The following TSGA10 variants were observed in gnomAD, a reference collection of about 807,000 sequenced individuals.
TSGA10 encodes the protein testis specific 10, also known as testis-specific gene 10 protein.
TSGA10 carries 43 observed loss-of-function variants against 96.6 expected under a neutral mutation model. The ratio of observed to expected loss-of-function variants is 0.44; its 90% CI spans 0.35 to 0.57. The LOEUF is 0.57. Among genes scored for constraint, TSGA10 ranks in the 20% least tolerant of loss-of-function variants. The probability of loss-of-function intolerance (pLI) is 0.01; values close to 1 mark genes in which losing one functional copy is unlikely to be tolerated. For synonymous variants in TSGA10, 229 were observed against 269.9 expected (o/e 0.85, Z 1.48); for missense variants, 703 against 834.4 (o/e 0.84, Z 1.94).
intron 20 of TSGA10, among the ~76,000 whole-genome samples, chr2:99,002,514 C>T (rs1169631678): frequency 6.6e-6 from 1 of 152,178 alleles, no homozygotes; most frequent in Admixed American, 6.5e-5. Flanking sequence ...ACAACTGGTA[C>T]CAGCCACTGC....
intron 16 of TSGA10, among the ~76,000 whole-genome samples, chr2:99,047,184 A>C (rs949146319): frequency 1.3e-5 from 2 of 152,212 alleles, no homozygotes; most frequent in Non-Finnish European, 2.9e-5. Flanking sequence ...AAGTATTCCA[A>C]TCAACAGAAA....
chr2:99,122,170 A>G lies in TSGA10; in HGVS notation c.-491-3484T>C, dbSNP rs1377980296. On this transcript the variant is annotated intron_variant, in intron 2 of 20. Coordinates refer to ENST00000393483, the MANE Select transcript of TSGA10 (RefSeq NM_025244.4). ...TCACAGTCTTGATTACTGTAGTTAT[A>G]AGTGTTGAAATCATGAAGAGTTTTG... Among the ~76,000 whole-genome samples the G allele has an allele frequency of 2.6e-5, 4 of 152,208 alleles. No individual in the cohort carries two copies. The East Asian group carries it at 7.7e-4, about 29-fold the overall frequency.
intron 10 of TSGA10, among the ~76,000 whole-genome samples, chr2:99,087,509 CA>C (rs1221097418): frequency 6.6e-6 from 1 of 151,958 alleles, no homozygotes; most frequent in African/African-American, 2.4e-5. Context: ...GCCGTCTGAA[CA>C]AAAAATAAAA....
At chr2:99,078,843 T>A in intron 11 of TSGA10, 30 bp from the exon 12 acceptor site, 1 of 1,559,380 alleles carries the variant, frequency 6.4e-7, no homozygotes, top group South Asian at 1.2e-5. Context: ...AGTGTTGTTT[T>A]AATCAAAATA....
At chr2:99,094,533 G>A (rs571422340) in intron 10 of TSGA10, among the ~76,000 whole-genome samples, 20 of 151,844 alleles carry the variant, frequency 1.3e-4, no homozygotes, top group Admixed American at 3.9e-4. Flanking sequence ...GAATCTACAC[G>A]GAACTCAAAC....
At chr2:99,137,281 C>T (rs759058771) in intron 1 of TSGA10, among the ~76,000 whole-genome samples, 5 of 152,218 alleles carry the variant, frequency 3.3e-5, no homozygotes, top group Non-Finnish European at 5.9e-5. Context: ...AGGCGTGAGC[C>T]ACTGCACCCG....
At chr2:99,101,909 T>G in intron 10 of TSGA10, 1 of 611,688 alleles carries the variant, frequency 1.6e-6, no homozygotes, top group Non-Finnish European at 2.9e-6. Flanking sequence ...GGAGTGCTGT[T>G]CAAAGGATAC....
In TSGA10 at chr2:99,035,323, A is replaced by G; in HGVS notation, c.1521T>C (p.Asp507=). 1 of 1,613,370 alleles carries G rather than the reference A, an allele frequency of 6.2e-7. No homozygotes were observed. Among genetic ancestry groups the G allele is most frequent in the Non-Finnish European group, 8.5e-7 (1 of 1,179,532 alleles). ...VQFEKVSALA[D]LSSTRELCIK... is the part of the protein sequence containing the mutation. Reference sequence around the variant, plus strand: ...TACAGAGTTCCCTAGTAGAAGACAAATCTGCAAGAGCGGACACTTTTTCAA... The same window carrying G: ...TACAGAGTTCCCTAGTAGAAGACAAGTCTGCAAGAGCGGACACTTTTTCAA... The change falls in exon 17 of 21, where the codon GAT becomes GAC. Residue 507 remains aspartate, a synonymous_variant. Coordinates refer to ENST00000393483, the MANE Select transcript of TSGA10 (RefSeq NM_025244.4).
chr2:99,043,304 T>G (rs1299173921), intron 16 of TSGA10, among the ~76,000 whole-genome samples: 1 of 152,000 alleles, frequency 6.6e-6, no homozygotes. Flanking sequence ...AAACAATTAA[T>G]GAATTTAAAA....
Position 99,081,284 on chromosome 2 carries a change from A to AT in TSGA10, c.724dup (p.Ile242AsnfsTer2). On this transcript the variant is annotated frameshift_variant, in exon 11 of 21. Coordinates refer to ENST00000393483, the MANE Select transcript of TSGA10 (RefSeq NM_025244.4). LOFTEE classifies it high-confidence loss of function. ...AATATTAAGAGAAAAAAACTCACCAATTTTTTCATCCAAGCACATAATTTT... is the reference window on the plus strand; with the variant it reads ...AATATTAAGAGAAAAAAACTCACCAATTTTTTTCATCCAAGCACATAATTTT... 1.3e-6 allele frequency: 2 copies of AT among 1,537,608 alleles called. No homozygotes were observed. The highest frequency in any genetic ancestry group is 8.8e-7 in the Non-Finnish European group (1 of 1,140,234).
chr2:99,089,377 C>T (rs998406030), intron 10 of TSGA10, among the ~76,000 whole-genome samples: 2 of 152,154 alleles, frequency 1.3e-5, no homozygotes, highest in East Asian at 3.9e-4. Context: ...GTAACAATTC[C>T]AACCAAATGT....
At chr2:99,102,139 T>A (rs895063118) in intron 10 of TSGA10, 1 of 1,472,428 alleles carries the variant, frequency 6.8e-7, no homozygotes, top group South Asian at 1.1e-5. Flanking sequence ...TACAAATCGA[T>A]CATGGAGCTG....
chr2:99,057,528 A>C (rs2084149101), intron 16 of TSGA10, among the ~76,000 whole-genome samples: 2 of 152,198 alleles, frequency 1.3e-5, no homozygotes, highest in Non-Finnish European at 1.5e-5. Flanking sequence ...AAAATACTTA[A>C]GAATAAAATT....
intron 12 of TSGA10, among the ~76,000 whole-genome samples, chr2:99,074,971 C>T (rs2086517930): frequency 6.6e-6 from 1 of 151,820 alleles, no homozygotes; most frequent in Non-Finnish European, 1.5e-5. Context: ...AAAAAAAGTC[C>T]TTTCTTGATT....
intron 10 of TSGA10, among the ~76,000 whole-genome samples, chr2:99,098,315 T>A (rs2090294780): frequency 6.6e-6 from 1 of 150,766 alleles, no homozygotes. Context: ...GGCGGGCACC[T>A]GTAGTCCCAG....
chr2:99,120,481 T>G (rs2104938127), intron 2 of TSGA10, among the ~76,000 whole-genome samples: 1 of 152,282 alleles, frequency 6.6e-6, no homozygotes, highest in South Asian at 2.1e-4. Context: ...GAGAGTCTCT[T>G]GAGTTTCTTC....
Position 99,105,547 on chromosome 2 carries a change from T to C in TSGA10, c.361A>G (p.Ser121Gly), listed in dbSNP as rs765795189. ...DLRRMTTERD[S>G]LRERLKIAQE... is the part of the protein sequence containing the mutation. Reference sequence around the variant, plus strand: ...CCAACCTTTAGCCTCTCCCTTAGACTATCTCGTTCTGTGGTCATTCTTCGT... The same window carrying C: ...CCAACCTTTAGCCTCTCCCTTAGACCATCTCGTTCTGTGGTCATTCTTCGT... The change falls in exon 8 of 21, where the codon AGT becomes GGT. Residue 121 changes from serine to glycine, a missense_variant. Around this residue, in one of 3 missense-constraint regions of TSGA10, gnomAD observed 585 missense variants for 656.8 expected, o/e 0.89. Transcript: ENST00000393483. The C allele has an allele frequency of 6.2e-7, 1 of 1,612,494 alleles. No homozygotes were observed. Among genetic ancestry groups the C allele is most frequent in the Non-Finnish European group, 8.5e-7 (1 of 1,178,594 alleles).
At chr2:99,024,109 T>TC (rs1254864627) in intron 17 of TSGA10, among the ~76,000 whole-genome samples, 1 of 152,016 alleles carries the variant, frequency 6.6e-6, no homozygotes, top group Non-Finnish European at 1.5e-5. Flanking sequence ...CTTTTTTTTT[T>TC]TAGACAGAGT....
intron 7 of TSGA10, among the ~76,000 whole-genome samples, chr2:99,107,763 A>T (rs1574422020): frequency 6.6e-6 from 1 of 152,308 alleles, no homozygotes; most frequent in East Asian, 1.9e-4. Flanking sequence ...AGCTGCTTTC[A>T]CCCTACAACA....
Sources: gnomAD v4.1 joint callset for allele counts (sites outside exome capture counted in the v4.1 genomes callset) on GRCh38, gnomAD v4.1.1 for gene constraint, gnomAD v4.1.1 regional missense constraint, MANE v1.5 for transcripts, NCBI Gene and HGNC (gene_info 2026-07-23, HGNC 2026-07-21) for gene names.